The following EIF4G3 variants were observed in gnomAD, a reference collection of about 807,000 sequenced individuals.
EIF4G3 encodes eukaryotic translation initiation factor 4 gamma 3, also known as eIF-4-gamma 3.
EIF4G3 carries 34 observed loss-of-function variants against 186.4 expected under a neutral mutation model. The observed-to-expected ratio is 0.18, with a 90% CI of 0.14 to 0.24. The LOEUF is 0.24. EIF4G3 is among the 10% of genes least tolerant of loss of function. EIF4G3 has a pLI of 1.00. For missense variants in EIF4G3, 1,536 were observed against 1,948.5 expected (o/e 0.79, Z 3.99); for synonymous variants, 673 against 679.5 (o/e 0.99, Z 0.15).
At chr1:20,918,143 C>T (rs2094111493) in intron 14 of EIF4G3, among the ~76,000 whole-genome samples, 1 of 152,112 alleles carries the variant, frequency 6.6e-6, no homozygotes, top group Non-Finnish European at 1.5e-5. Flanking sequence ...TGCCTCAGCA[C>T]TCTGTGTCTG....
chr1:21,156,085 C>T (rs979425357), intron 2 of EIF4G3, among the ~76,000 whole-genome samples: 3 of 151,376 alleles, frequency 2.0e-5, no homozygotes, highest in Admixed American at 2.0e-4. Context: ...TGAGATGGCG[C>T]CATTGCACTC....
intron 14 of EIF4G3, among the ~76,000 whole-genome samples, chr1:20,927,892 C>CT (rs2095033920): frequency 6.6e-6 from 1 of 152,158 alleles, no homozygotes; most frequent in South Asian, 2.1e-4. Context: ...GGGTCTTACT[C>CT]TGTCACCCAG....
intron 12 of EIF4G3, among the ~76,000 whole-genome samples, chr1:20,960,384 TG>T (rs2096544979): frequency 6.6e-6 from 1 of 151,876 alleles, no homozygotes; most frequent in Non-Finnish European, 1.5e-5. Flanking sequence ...AAGAATCACT[TG>T]AACCCAGGAG....
At chr1:20,814,793 C>G (rs1418498575) in intron 34 of EIF4G3, among the ~76,000 whole-genome samples, 1 of 112,954 alleles carries the variant, frequency 8.9e-6, no homozygotes, top group African/African-American at 3.4e-5. Flanking sequence ...CCCTCTCCCT[C>G]TCCCCACAGT....
chr1:21,082,508 C>T (rs1016368677), intron 3 of EIF4G3, among the ~76,000 whole-genome samples: 8 of 152,030 alleles, frequency 5.3e-5, no homozygotes, highest in African/African-American at 1.9e-4. Flanking sequence ...ATCACTTGAA[C>T]CCAGGAGATG....
In EIF4G3 at chr1:20,952,451, G is replaced by A. The variant is rs186039023; in HGVS notation, c.715-2340C>T. ...TTACAGACGTAAGCCACTGCGCCCC[G>A]CCAGAATTCAATACTTTAGTCTTGT... On this transcript the variant is annotated intron_variant, in intron 12 of 36. Transcript: ENST00000602326. Among the ~76,000 whole-genome samples, 33 of 152,138 alleles carry A rather than the reference G, an allele frequency of 2.2e-4. No homozygotes were observed. The East Asian group carries it at 3.7e-3, about 17-fold the overall frequency.
rs146145371 is a variant in EIF4G3 at position 20,942,136 on chromosome 1, A to T, written c.1018T>A (p.Ser340Thr). 6.2e-7 allele frequency: 1 copy of T among 1,614,132 alleles called. No homozygotes were observed. ...ATTGGTTGGCTACTAAGAGCAGAAG[A>T]GGTGGGGGCTGCAATTGTACTTCGA... The part of the protein sequence containing the change: ...VARSTIAAPT[S>T]SALSSQPIFT... The change falls in exon 14 of 37, where the codon TCT becomes ACT. Residue 340 changes from serine (S) to threonine (T), a missense_variant. Transcript: ENST00000602326.
Position 20,895,429 on chromosome 1 carries a change from A to T in EIF4G3, c.2072T>A (p.Met691Lys), listed in dbSNP as rs763765741. 8.1e-6 allele frequency: 13 copies of T among 1,614,134 alleles called. No individual in the cohort carries two copies. Among genetic ancestry groups the T allele is most frequent in the Non-Finnish European group, 1.1e-5 (13 of 1,179,986 alleles). ...CTCTGGTTTTTGTATACAGGCAGGCATGAACTGGAAGTCCAGCAGAAACTC... is the reference window on the plus strand; with the variant it reads ...CTCTGGTTTTTGTATACAGGCAGGCTTGAACTGGAAGTCCAGCAGAAACTC... ...DREFLLDFQF[M>K]PACIQKPEGL... The change falls in exon 17 of 37, where the codon ATG (methionine) becomes AAG (lysine). Residue 691 changes from methionine (M) to lysine (K), a missense_variant. Transcript: ENST00000602326.
At chr1:21,165,758 G>C (rs1241988843) in intron 2 of EIF4G3, among the ~76,000 whole-genome samples, 1 of 152,016 alleles carries the variant, frequency 6.6e-6, no homozygotes, top group East Asian at 1.9e-4. Flanking sequence ...GGTAGTAGTT[G>C]TACAATTCTC....
chr1:20,977,894 G>C (rs1043957286), intron 10 of EIF4G3, among the ~76,000 whole-genome samples: 2 of 152,148 alleles, frequency 1.3e-5, no homozygotes, highest in Non-Finnish European at 2.9e-5. Context: ...CAGACTTACA[G>C]CAGGAAATTT....
chr1:21,116,382 C>T (rs920201913), intron 2 of EIF4G3, among the ~76,000 whole-genome samples: 1 of 151,968 alleles, frequency 6.6e-6, no homozygotes, highest in African/African-American at 2.4e-5. Flanking sequence ...CCAGCAGAAA[C>T]CATGTAACAT....
intron 19 of EIF4G3, among the ~76,000 whole-genome samples, chr1:20,880,986 T>C (rs550386866): frequency 6.6e-6 from 1 of 152,140 alleles, no homozygotes; most frequent in South Asian, 2.1e-4. Context: ...AAAATTTATA[T>C]GAACACACAC....
At chr1:20,819,946 G>C (rs115634206) in intron 33 of EIF4G3, among the ~76,000 whole-genome samples, 2 of 152,100 alleles carry the variant, frequency 1.3e-5, no homozygotes. Flanking sequence ...GAAAGAAAGA[G>C]AGAGAGACAG....
At chr1:20,982,361 G>C in intron 8 of EIF4G3, 27 bp downstream of exon 8, 1 of 1,504,158 alleles carries the variant, frequency 6.6e-7, no homozygotes, top group Non-Finnish European at 8.9e-7. Context: ...GTTATAAAGA[G>C]GCCATGCAGA....
chr1:21,082,594 C>T (rs2095822494), intron 3 of EIF4G3, among the ~76,000 whole-genome samples: 1 of 151,524 alleles, frequency 6.6e-6, no homozygotes, highest in Non-Finnish European at 1.5e-5. Context: ...TCAAAACAAA[C>T]AAAAAAACAA....
At chr1:20,945,788 ATTTG>A (rs576420143) in intron 13 of EIF4G3, among the ~76,000 whole-genome samples, 33 of 152,234 alleles carry the variant, frequency 2.2e-4, no homozygotes, top group South Asian at 6.2e-4. Context: ...TCTGGCAAGA[ATTTG>A]TTTGTTTGTT....
At chr1:20,988,266 GA>G (rs1354000185) in intron 7 of EIF4G3, 2 of 170,352 alleles carry the variant, frequency 1.2e-5, no homozygotes, top group African/African-American at 2.4e-5. Flanking sequence ...ATCCAGCCAA[GA>G]AAACTGATAA....
At position 20,807,376 on chromosome 1, in the gene EIF4G3, A is replaced by G; in HGVS notation, c.4869T>C (p.Ser1623=). 1 of 1,610,732 alleles carries G rather than the reference A, an allele frequency of 6.2e-7. No individual in the cohort carries two copies. The highest frequency in any genetic ancestry group is 8.5e-7 in the Non-Finnish European group (1 of 1,177,696). The stretch of plus-strand genomic sequence containing the variant: ...GCAGCCACGTGAAGAATGCCGTGAC[A>G]GATTTCAGAGCCACGCCCTTCCCAT... ...EQNGKGVALK[S]VTAFFTWLRE... Residue 1623 remains serine (S), a synonymous_variant, in exon 37 of 37, where the codon TCT becomes TCC. Transcript: ENST00000602326.
At chr1:20,935,444 G>T (rs942255352) in intron 14 of EIF4G3, among the ~76,000 whole-genome samples, 4 of 152,096 alleles carry the variant, frequency 2.6e-5, no homozygotes, top group African/African-American at 7.2e-5. Context: ...TGAAGGAAAT[G>T]TATTTTGGGC....
Sources: allele counts gnomAD v4.1 joint callset (sites outside exome capture counted in the v4.1 genomes callset), GRCh38; gene constraint gnomAD v4.1.1; transcripts MANE v1.5; gene names NCBI Gene and HGNC (gene_info 2026-07-23, HGNC 2026-07-21).